Variants in CWF19L2 observed in about 807,000 individuals in gnomAD.
CWF19L2 encodes CWF19 like cell cycle control factor 2, also known as CWF19-like protein 2.
In CWF19L2, 98 loss-of-function variants were observed where a neutral mutation model predicts 111.7. The observed-to-expected ratio is 0.88, with a 90% CI of 0.75 to 1.04. The LOEUF (loss-of-function observed/expected upper bound fraction) is 1.04, where lower values mean the gene tolerates loss of function less well. Among genes scored for constraint, CWF19L2 ranks in the 50% least tolerant of loss-of-function variants. The pLI, the probability that CWF19L2 is intolerant of heterozygous loss-of-function variation, is 0.00. For missense variants in CWF19L2, 1,101 were observed against 1,051.4 expected (o/e 1.05, Z -0.65); for synonymous variants, 351 against 342.9 (o/e 1.02, Z -0.26).
At chr11:107,449,638 A>G (rs1415171712) in intron 3 of CWF19L2, among the ~76,000 whole-genome samples, 2 of 147,064 alleles carry the variant, frequency 1.4e-5, no homozygotes, top group Non-Finnish European at 3.1e-5. Flanking sequence ...GTAAAATTAT[A>G]TATTATTTGA....
chr11:107,449,073 T>A (rs762050246), intron 3 of CWF19L2, among the ~76,000 whole-genome samples: 1 of 145,800 alleles, frequency 6.9e-6, no homozygotes, highest in Non-Finnish European at 1.5e-5. Context: ...AATATTACAA[T>A]GACTACAGAG....
At chr11:107,362,296 G>T (rs1396272043) in intron 12 of CWF19L2, among the ~76,000 whole-genome samples, 1 of 151,928 alleles carries the variant, frequency 6.6e-6, no homozygotes, top group East Asian at 1.9e-4. Flanking sequence ...AAGCAGCCAG[G>T]AAGCTCGAAC....
chr11:107,353,801 G>T, intron 12 of CWF19L2, 65 bp from the exon 13 acceptor site: 1 of 1,200,248 alleles, frequency 8.3e-7, no homozygotes, highest in South Asian at 1.3e-5. Flanking sequence ...CTGCACTGTG[G>T]TATCCTAAAT....
intron 16 of CWF19L2, among the ~76,000 whole-genome samples, chr11:107,330,504 G>A (rs1042660544): frequency 2.0e-5 from 3 of 151,914 alleles, no homozygotes; most frequent in Non-Finnish European, 4.4e-5. Flanking sequence ...ACGAGCTGGT[G>A]AAGTGGATAC....
At chr11:107,340,249 T>A (rs1859987013) in intron 14 of CWF19L2, among the ~76,000 whole-genome samples, 1 of 152,172 alleles carries the variant, frequency 6.6e-6, no homozygotes, top group Non-Finnish European at 1.5e-5. Flanking sequence ...CTTGTTTTTC[T>A]CCCAAAAGTT....
intron 12 of CWF19L2, among the ~76,000 whole-genome samples, chr11:107,372,642 A>C (rs889217608): frequency 7.3e-6 from 1 of 136,292 alleles, no homozygotes; most frequent in Non-Finnish European, 1.6e-5. Context: ...TGAACAAAAA[A>C]ATTATTCTGG....
chr11:107,345,460 T>A (rs1199780208), intron 14 of CWF19L2: 8 of 458,500 alleles, frequency 1.7e-5, no homozygotes, highest in Non-Finnish European at 3.6e-5. Context: ...CCTTTCTGGC[T>A]TAATTATTGG....
chr11:107,439,845 G>A (rs1861596090), intron 5 of CWF19L2, among the ~76,000 whole-genome samples: 1 of 152,110 alleles, frequency 6.6e-6, no homozygotes. Flanking sequence ...TTCATGCTGG[G>A]GCCAAAAGAG....
intron 16 of CWF19L2, among the ~76,000 whole-genome samples, chr11:107,331,784 C>G (rs1859852969): frequency 6.6e-6 from 1 of 152,232 alleles, no homozygotes; most frequent in South Asian, 2.1e-4. Context: ...ACAATGAACA[C>G]ACTACTACTT....
intron 12 of CWF19L2, among the ~76,000 whole-genome samples, chr11:107,382,415 C>T (rs888100515): frequency 3.3e-5 from 5 of 152,136 alleles, no homozygotes; most frequent in Admixed American, 2.0e-4. Flanking sequence ...CTTAGCCTTG[C>T]GTTAAGTCAT....
chr11:107,457,796 A>G lies in CWF19L2; in HGVS notation c.21T>C (p.Ala7=). 2 of 1,551,670 alleles carry G rather than the reference A, an allele frequency of 1.3e-6. No homozygotes were observed. Among genetic ancestry groups the G allele is most frequent in the Non-Finnish European group, 1.7e-6 (2 of 1,146,912 alleles). Residue 7 remains alanine (A), a synonymous_variant, in exon 1 of 18, where the codon GCT becomes GCC. Coordinates refer to ENST00000282251, the MANE Select transcript of CWF19L2 (RefSeq NM_152434.3). MATSMA[A]ASGRFESAKS... The stretch of plus-strand genomic sequence containing the variant: ...TCGCACTTTCAAATCTACCACTAGC[A>G]GCCGCCATACTTGTTGCCATCGTAA...
chr11:107,454,629 A>G, intron 2 of CWF19L2, 57 bp from the exon 3 acceptor site: 4 of 1,187,298 alleles, frequency 3.4e-6, no homozygotes, highest in Non-Finnish European at 4.3e-6. Flanking sequence ...ATTTAAAAGG[A>G]TGTATTCTGA....
rs140575093 is a variant in CWF19L2, at chr11:107,343,823, T to C, written c.2202+5114A>G. Among the ~76,000 whole-genome samples the C allele has an allele frequency of 3.0e-3, 459 of 152,288 alleles. 2 individuals are homozygous for C. Among genetic ancestry groups the C allele is most frequent in the African/African-American group, 8.9e-3 (372 of 41,566 alleles). On this transcript the variant is annotated intron_variant, in intron 14 of 17. Coordinates refer to ENST00000282251, the MANE Select transcript of CWF19L2 (RefSeq NM_152434.3). Reference sequence around the variant, plus strand: ...CAGTCTACTGGGGCCATTTTACCAATGCAAATAAAATAGAGACCCCTTACT... The same window carrying C: ...CAGTCTACTGGGGCCATTTTACCAACGCAAATAAAATAGAGACCCCTTACT...
intron 3 of CWF19L2, among the ~76,000 whole-genome samples, chr11:107,449,499 T>C (rs1394204800): frequency 2.0e-5 from 3 of 152,182 alleles, no homozygotes; most frequent in Non-Finnish European, 4.4e-5. Flanking sequence ...ATAAAAAGAA[T>C]GTATGACATT....
intron 10 of CWF19L2, among the ~76,000 whole-genome samples, chr11:107,398,634 T>C (rs1028648827): frequency 6.6e-6 from 1 of 152,192 alleles, no homozygotes; most frequent in African/African-American, 2.4e-5. Context: ...AGGAAAACTT[T>C]CCCAGCCTTG....
At position 107,454,542 on chromosome 11, in the gene CWF19L2, CT is replaced by C; in HGVS notation, c.246del (p.Asp83ThrfsTer54). On this transcript the variant is annotated frameshift_variant, in exon 3 of 18. Coordinates refer to ENST00000282251, the MANE Select transcript of CWF19L2 (RefSeq NM_152434.3). LOFTEE classifies it high-confidence loss of function. ...QEHSVKKKKK[K>X]DKHSKKAKKE... ...TTCTTTGCTTTTTTTGAATGCTTGT[CT>C]TTTTTCTTCTTTTTCTTCACAGAGT... 1 of 1,427,962 alleles carries C rather than the reference CT, an allele frequency of 7.0e-7. No individual in the cohort carries two copies. The highest frequency in any genetic ancestry group is 1.6e-5 in the South Asian group (1 of 62,168). 88.5% of individuals were successfully genotyped at this position (1,427,962 alleles called of 1,614,324 possible). A position where few individuals can be genotyped will look rare whatever the true frequency, so the allele number is the denominator to read the frequency against.
At chr11:107,452,214 T>C (rs945720953) in intron 3 of CWF19L2, among the ~76,000 whole-genome samples, 1 of 152,188 alleles carries the variant, frequency 6.6e-6, no homozygotes, top group Non-Finnish European at 1.5e-5. Context: ...CTAACACTAG[T>C]ATTAGTAATT....
intron 8 of CWF19L2, among the ~76,000 whole-genome samples, chr11:107,422,743 C>T (rs1446398928): frequency 6.6e-6 from 1 of 151,806 alleles, no homozygotes; most frequent in African/African-American, 2.4e-5. Flanking sequence ...ATATTTTCTA[C>T]AAATTTGGTT....
At chr11:107,436,853 G>A (rs1861547734) in intron 6 of CWF19L2, among the ~76,000 whole-genome samples, 1 of 152,088 alleles carries the variant, frequency 6.6e-6, no homozygotes. Context: ...CTAAGCCTTG[G>A]TTTATTGAGC....
Sources: gnomAD v4.1 joint callset for allele counts (sites outside exome capture counted in the v4.1 genomes callset) on GRCh38, gnomAD v4.1.1 for gene constraint, MANE v1.5 for transcripts, NCBI Gene and HGNC (gene_info 2026-07-23, HGNC 2026-07-21) for gene names.